The following XRRA1 variants were observed in gnomAD, a reference collection of about 807,000 sequenced individuals.
XRRA1 encodes the protein X-ray radiation resistance associated 1, also known as X-ray radiation resistance-associated protein 1.
Under a neutral mutation model 80.2 loss-of-function variants are expected in XRRA1, and 69 were observed. The ratio of observed to expected loss-of-function variants is 0.86; its 90% CI spans 0.71 to 1.05. The LOEUF is 1.05. XRRA1 is among the 50% of genes least tolerant of loss of function. XRRA1 has a pLI of 0.00. For missense variants in XRRA1, 967 were observed against 976.4 expected, an observed-to-expected ratio of 0.99 and a Z score of 0.13; for synonymous variants, 348 against 389.9, an observed-to-expected ratio of 0.89 and a Z score of 1.27.
At chr11:74,868,134 C>T (rs1185395952) in intron 10 of XRRA1, among the ~76,000 whole-genome samples, 1 of 151,992 alleles carries the variant, frequency 6.6e-6, no homozygotes, top group East Asian at 1.9e-4. Flanking sequence ...GGCCAGTCTG[C>T]TCTTGAACTT....
chr11:74,878,448 GC>G (rs1358160434), intron 10 of XRRA1, among the ~76,000 whole-genome samples: 1 of 152,116 alleles, frequency 6.6e-6, no homozygotes, highest in African/African-American at 2.4e-5. Flanking sequence ...CTTTTGCTGT[GC>G]AGAAGCTCTT....
intron 7 of XRRA1, among the ~76,000 whole-genome samples, chr11:74,926,958 A>C (rs1215713995): frequency 6.6e-6 from 1 of 151,318 alleles, no homozygotes; most frequent in Admixed American, 6.6e-5. Flanking sequence ...CTCTGGAATC[A>C]GTCTATAATG....
intron 10 of XRRA1, among the ~76,000 whole-genome samples, chr11:74,871,314 G>T (rs565656209): frequency 1.3e-5 from 2 of 152,170 alleles, no homozygotes; most frequent in Admixed American, 1.3e-4. Context: ...GTTGGGGGAT[G>T]CTCCCATTGT....
At position 74,851,723 on chromosome 11, in the gene XRRA1, C is replaced by T. The variant is rs199562153; in HGVS notation, c.1264+266G>A. On this transcript the variant is annotated intron_variant, in intron 13 of 18. Coordinates refer to ENST00000684022, the MANE Select transcript of XRRA1 (RefSeq NM_001378157.1). The stretch of plus-strand genomic sequence containing the variant: ...ATTCCATTCCCAACTCAGACTCTTT[C>T]TTGCTGTGTGACCTTGGGCAGATCA... Among the ~76,000 whole-genome samples the T allele has an allele frequency of 3.3e-5, 5 of 152,350 alleles. No homozygotes were observed. The East Asian group carries it at 9.6e-4, about 29-fold the overall frequency.
rs1461265554 is a variant in XRRA1 at position 74,863,045 on chromosome 11, G to A, written c.1004-24C>T. The A allele has an allele frequency of 1.9e-6, 3 of 1,593,474 alleles. No individual in the cohort carries two copies. In the East Asian group the frequency reaches 6.8e-5, roughly 36 times the overall value. On this transcript the variant is annotated intron_variant, in intron 10 of 18. Coordinates refer to ENST00000684022, the MANE Select transcript of XRRA1 (RefSeq NM_001378157.1). ...CTCTGAAACAGAAGAGAAACAGAAT[G>A]AAGGTTGGTGAGACCGCTGATTGAT...
Position 74,948,920 on chromosome 11 carries a change from A to C in XRRA1, c.-73+8T>G, listed in dbSNP as rs1948218932. The C allele has an allele frequency of 5.3e-6, 1 of 187,090 alleles. No individual in the cohort carries two copies. Among genetic ancestry groups the C allele is most frequent in the Non-Finnish European group, 1.1e-5 (1 of 88,884 alleles). 11.6% of individuals were successfully genotyped at this position (187,090 alleles called of 1,614,324 possible). ...GACTCGAATTCGAAAACTAAGTTTC[A>C]GTCGCACCTGCCTCCGGCGTCGCTT... is the stretch of plus-strand genomic sequence containing the variant. On this transcript the variant is annotated splice_region_variant and intron_variant, in intron 1 of 18. Transcript: ENST00000684022.
At chr11:74,934,995 C>T (rs1944587340) in intron 4 of XRRA1, among the ~76,000 whole-genome samples, 1 of 152,196 alleles carries the variant, frequency 6.6e-6, no homozygotes, top group South Asian at 2.1e-4. Context: ...ATTCACATTT[C>T]TCCAAATGGA....
At chr11:74,921,031 C>A (rs1940589740) in intron 8 of XRRA1, among the ~76,000 whole-genome samples, 183 bp downstream of exon 8, 1 of 152,134 alleles carries the variant, frequency 6.6e-6, no homozygotes, top group African/African-American at 2.4e-5. Flanking sequence ...CTGGATCTCT[C>A]CTAACAGCAC....
Position 74,859,193 on chromosome 11 carries a change from G to A in XRRA1, c.1135C>T (p.Pro379Ser), listed in dbSNP as rs1199073919. The A allele has an allele frequency of 3.7e-6, 6 of 1,609,110 alleles. No individual in the cohort carries two copies. The East Asian group carries it at 1.1e-4, about 30-fold the overall frequency. The stretch of plus-strand genomic sequence containing the variant: ...GCCAGGCTAAGGTATCTCAGCTCTG[G>A]GAAGGGTGGGGCCAGCGTCTGGTTC... ...ARNQTLAPPF[P>S]ELRYLSLAYN... Residue 379 changes from proline (P) to serine (S), a missense_variant, in exon 12 of 19, where the codon CCA (proline) becomes TCA (serine). Physicochemically the swap from Pro to Ser is moderately conservative, Grantham distance 74. Transcript: ENST00000684022.
chr11:74,867,743 A>G (rs773126093), intron 10 of XRRA1, among the ~76,000 whole-genome samples: 10 of 152,138 alleles, frequency 6.6e-5, no homozygotes, highest in Non-Finnish European at 1.3e-4. Flanking sequence ...GAAATACTAC[A>G]CAAGAAGACC....
At chr11:74,874,233 CAAAAAAA>C (rs367875228) in intron 10 of XRRA1, among the ~76,000 whole-genome samples, 6 of 48,288 alleles carry the variant, frequency 1.2e-4, no homozygotes, top group Non-Finnish European at 1.5e-4. Context: ...GACTCCGTCT[CAAAAAAA>C]AAAAAAAAAA....
At chr11:74,880,757 T>G (rs1226449440) in intron 10 of XRRA1, among the ~76,000 whole-genome samples, 1 of 151,330 alleles carries the variant, frequency 6.6e-6, no homozygotes, top group Non-Finnish European at 1.5e-5. Context: ...TCAGTTTCCA[T>G]GTAGTTGAGC....
chr11:74,843,849 C>T lies in XRRA1; in HGVS notation c.2149+5G>A, dbSNP rs1478613060. ...GGGATCCTGGCAGCTGTGGCAGAGC[C>T]GTACCTAGTGGAGCCTCTGTAATGT... On this transcript the variant is annotated splice_donor_5th_base_variant and intron_variant, in intron 18 of 18. Transcript: ENST00000684022. The T allele has an allele frequency of 3.7e-6, 6 of 1,604,178 alleles. No homozygotes were observed. Among genetic ancestry groups the T allele is most frequent in the African/African-American group, 1.3e-5 (1 of 74,866 alleles).
chr11:74,881,296 T>C (rs1190189882), intron 10 of XRRA1, among the ~76,000 whole-genome samples: 1 of 151,714 alleles, frequency 6.6e-6, no homozygotes, highest in African/African-American at 2.4e-5. Flanking sequence ...CCTGCCTTTT[T>C]TTTGTTTTCC....
chr11:74,938,753 CTTTAA>C (rs1945647006), intron 3 of XRRA1, among the ~76,000 whole-genome samples: 1 of 152,124 alleles, frequency 6.6e-6, no homozygotes, highest in Non-Finnish European at 1.5e-5. Context: ...GGAAATTTTG[CTTTAA>C]CACTACAGCT....
intron 12 of XRRA1, among the ~76,000 whole-genome samples, chr11:74,857,166 G>A (rs920730304): frequency 7.9e-5 from 12 of 152,158 alleles, no homozygotes; most frequent in African/African-American, 2.9e-4. Context: ...GGCACTCAGG[G>A]AAGGATGAAA....
chr11:74,850,094 T>C (rs1181950291), intron 14 of XRRA1, among the ~76,000 whole-genome samples: 1 of 152,196 alleles, frequency 6.6e-6, no homozygotes, highest in African/African-American at 2.4e-5. Context: ...ATTTAACTCA[T>C]TTAGCTCAAA....
intron 1 of XRRA1, among the ~76,000 whole-genome samples, chr11:74,947,920 T>C (rs573185256): frequency 6.6e-6 from 1 of 152,294 alleles, no homozygotes; most frequent in African/African-American, 2.4e-5. Flanking sequence ...AGACGGGGTT[T>C]CACCATGTTG....
At position 74,843,448 on chromosome 11, in the gene XRRA1, C is replaced by T. The variant is rs758776602; in HGVS notation, c.2155G>A (p.Val719Ile). 53 of 1,611,018 alleles carry T rather than the reference C, an allele frequency of 3.3e-5. No homozygotes were observed. In the East Asian group the frequency reaches 4.0e-4, roughly 12 times the overall value. ...CGCCGTTCTGTCCACTGGTGCAGGA[C>T]AGCACCTGCAGGAAAAGAAGCCAGG... ...RNITEAPLGAVLHQWTERRLV... is the reference protein window; with the variant it reads ...RNITEAPLGAILHQWTERRLV... Residue 719 changes from valine (V) to isoleucine (I), a missense_variant, in exon 19 of 19, where the codon GTC becomes ATC. Physicochemically the swap from Val to Ile is conservative, Grantham distance 29. Coordinates refer to ENST00000684022, the MANE Select transcript of XRRA1 (RefSeq NM_001378157.1).
Sources: gnomAD v4.1 joint callset for allele counts (sites outside exome capture counted in the v4.1 genomes callset) on GRCh38, gnomAD v4.1.1 for gene constraint, MANE v1.5 for transcripts, NCBI Gene and HGNC (gene_info 2026-07-23, HGNC 2026-07-21) for gene names.